ARHGAP6: variants seen among roughly 807,000 people sequenced by gnomAD.
The protein encoded by ARHGAP6 is Rho GTPase activating protein 6, also known as rho GTPase-activating protein 6.
Under a neutral mutation model 55.7 loss-of-function variants are expected in ARHGAP6, and 16 were observed. The ratio of observed to expected loss-of-function variants is 0.29; its 90% CI spans 0.19 to 0.44. ARHGAP6 has a LOEUF of 0.44. ARHGAP6 is among the 20% of genes least tolerant of loss of function. The probability of loss-of-function intolerance (pLI) is 1.00; values close to 1 mark genes in which losing one functional copy is unlikely to be tolerated. For missense variants in ARHGAP6, 698 were observed against 808.9 expected, an observed-to-expected ratio of 0.86 and a Z score of 1.66; for synonymous variants, 382 against 360.9, an observed-to-expected ratio of 1.06 and a Z score of -0.66.
chrX:11,408,052 T>C (rs2049632180), intron 1 of ARHGAP6, among the ~76,000 whole-genome samples: 1 of 111,209 alleles, frequency 9.0e-6, no homozygotes, highest in African/African-American at 3.3e-5. Flanking sequence ...GCAGTAAGAT[T>C]AATAACTAAA....
chrX:11,160,809 A>AATCT (rs1395435103), intron 9 of ARHGAP6, among the ~76,000 whole-genome samples: 1 of 111,811 alleles, frequency 8.9e-6, no homozygotes, highest in African/African-American at 3.3e-5. Flanking sequence ...CACAGTTATA[A>AATCT]ATCTATCTAC....
At chrX:11,607,563 A>G (rs986073110) in intron 1 of ARHGAP6, among the ~76,000 whole-genome samples, 10 of 112,469 alleles carry the variant, frequency 8.9e-5, no homozygotes, top group Admixed American at 2.8e-4. Flanking sequence ...GGAAAAATTC[A>G]TGAAGCTAAC....
intron 1 of ARHGAP6, among the ~76,000 whole-genome samples, chrX:11,559,085 G>A (rs896205375): frequency 1.9e-5 from 2 of 107,220 alleles, no homozygotes; most frequent in African/African-American, 6.8e-5. Flanking sequence ...GATCAGAGAT[G>A]GCAACACCTC....
chrX:11,581,319 T>C (rs764036675), intron 1 of ARHGAP6, among the ~76,000 whole-genome samples: 78 of 111,879 alleles, frequency 7.0e-4, no homozygotes, highest in Admixed American at 4.7e-3. Context: ...CCTTCAAACA[T>C]ACACTGCTGG....
chrX:11,247,530 C>G (rs2047369611), intron 2 of ARHGAP6, among the ~76,000 whole-genome samples: 1 of 112,184 alleles, frequency 8.9e-6, no homozygotes, highest in East Asian at 2.8e-4. Context: ...AATGTCACAA[C>G]TACTCAACTC....
intron 10 of ARHGAP6, among the ~76,000 whole-genome samples, chrX:11,148,980 C>T (rs2045737009): frequency 8.9e-6 from 1 of 112,197 alleles, no homozygotes; most frequent in Admixed American, 9.4e-5. Context: ...CATTAATCAC[C>T]ATCAGTTCTA....
At chrX:11,491,856 C>A (rs993495419) in intron 1 of ARHGAP6, among the ~76,000 whole-genome samples, 48 of 108,630 alleles carry the variant, frequency 4.4e-4, no homozygotes, top group Non-Finnish European at 9.1e-4. Context: ...CCTATTTCTC[C>A]ACATCCTCTC....
chrX:11,344,666 G>C (rs1414018220), intron 1 of ARHGAP6, among the ~76,000 whole-genome samples: 3 of 36,557 alleles, frequency 8.2e-5, no homozygotes, highest in African/African-American at 1.2e-4. Flanking sequence ...CAACAAGAGT[G>C]AAACTCCATC....
intron 1 of ARHGAP6, among the ~76,000 whole-genome samples, chrX:11,600,471 C>T (rs911761043): frequency 8.9e-6 from 1 of 112,172 alleles, no homozygotes; most frequent in African/African-American, 3.2e-5. Flanking sequence ...GCCTCACCCT[C>T]GACCTCCACC....
chrX:11,287,421 G>A (rs977228202), intron 1 of ARHGAP6, among the ~76,000 whole-genome samples: 5 of 111,889 alleles, frequency 4.5e-5, no homozygotes, highest in Non-Finnish European at 7.5e-5. Flanking sequence ...AATGTGATGT[G>A]AAGACAGCCA....
chrX:11,535,057 AT>A (rs1213898450), intron 1 of ARHGAP6, among the ~76,000 whole-genome samples: 6 of 111,386 alleles, frequency 5.4e-5, no homozygotes, highest in Non-Finnish European at 9.4e-5. Flanking sequence ...TTAGTTTCAA[AT>A]TTTTAACCAC....
At chrX:11,323,865 T>TA (rs1336822124) in intron 1 of ARHGAP6, among the ~76,000 whole-genome samples, 60 of 38,605 alleles carry the variant, frequency 1.6e-3, no homozygotes, top group Non-Finnish European at 2.9e-3. Context: ...AACCCCCATT[T>TA]CAAAAAAAAA....
chrX:11,354,084 A>T (rs1435672934), intron 1 of ARHGAP6, among the ~76,000 whole-genome samples: 1 of 110,058 alleles, frequency 9.1e-6, no homozygotes, highest in Non-Finnish European at 1.9e-5. Flanking sequence ...GTAGTACAGC[A>T]GTTAACTTTT....
intron 1 of ARHGAP6, among the ~76,000 whole-genome samples, chrX:11,490,643 GTGC>G (rs370052873): frequency 1.8e-5 from 2 of 112,070 alleles, no homozygotes; most frequent in African/African-American, 6.5e-5. Context: ...GTCCCAGATG[GTGC>G]TGTGATTTCA....
chrX:11,522,709 C>A (rs1488479435), intron 1 of ARHGAP6, among the ~76,000 whole-genome samples: 1 of 111,397 alleles, frequency 9.0e-6, no homozygotes, highest in Admixed American at 9.6e-5. Flanking sequence ...TCTGAATAGA[C>A]CAATAACAGG....
At chrX:11,215,197 G>A (rs770245402) in intron 2 of ARHGAP6, among the ~76,000 whole-genome samples, 1 of 112,981 alleles carries the variant, frequency 8.9e-6, no homozygotes, top group Non-Finnish European at 1.9e-5. Context: ...GGGCATCCAG[G>A]CGGGCGAGTA....
At chrX:11,607,340 T>C (rs1209130073) in intron 1 of ARHGAP6, among the ~76,000 whole-genome samples, 1 of 111,864 alleles carries the variant, frequency 8.9e-6, no homozygotes, top group Non-Finnish European at 1.9e-5. Flanking sequence ...GTACAAATGA[T>C]GGAGCTTCTC....
chrX:11,319,107 C>G (rs2048396027), intron 1 of ARHGAP6, among the ~76,000 whole-genome samples: 1 of 111,974 alleles, frequency 8.9e-6, no homozygotes, highest in Non-Finnish European at 1.9e-5. Context: ...CTAAAAAAGT[C>G]CTGTGATGGT....
At chrX:11,413,584 G>A (rs753464458) in intron 1 of ARHGAP6, among the ~76,000 whole-genome samples, 153 of 111,600 alleles carry the variant, frequency 1.4e-3, no homozygotes, top group African/African-American at 4.8e-3. Context: ...AGCTCCTGGA[G>A]GCCCTTTATG....
Sources: allele counts gnomAD v4.1 joint callset (sites outside exome capture counted in the v4.1 genomes callset), GRCh38; gene constraint gnomAD v4.1.1; transcripts MANE v1.5; gene names NCBI Gene and HGNC (gene_info 2026-07-23, HGNC 2026-07-21).